Variants in RANBP2 observed in about 807,000 individuals in gnomAD.
RANBP2 encodes the protein RAN binding protein 2.
RANBP2 carries 57 observed loss-of-function variants against 303.6 expected under a neutral mutation model. The ratio of observed to expected loss-of-function variants is 0.19; its 90% confidence interval spans 0.15 to 0.23. The LOEUF (loss-of-function observed/expected upper bound fraction) is 0.23. Among genes scored for constraint, RANBP2 ranks in the 10% least tolerant of loss-of-function variants. RANBP2 has a pLI of 1.00. For synonymous variants in RANBP2, 1,167 were observed against 1,301.5 expected (o/e 0.90, Z 2.23); for missense variants, 3,138 against 3,780.8 (o/e 0.83, Z 4.46).
At chr2:108,938,548 C>G in the RANBP2 span, among the ~76,000 whole-genome samples, 1 of 152,164 alleles carries the variant, frequency 6.6e-6, no homozygotes, top group Non-Finnish European at 1.5e-5. Flanking sequence ...CACTTATCCT[C>G]ATCCCAATGT....
At chr2:109,105,560 T>C in the RANBP2 span, among the ~76,000 whole-genome samples, 2 of 152,208 alleles carry the variant, frequency 1.3e-5, no homozygotes, top group Admixed American at 6.5e-5. Context: ...TTATTTTTTT[T>C]CCTTTTCTTT....
the RANBP2 span, chr2:108,930,131 C>T: frequency 3.1e-6 from 5 of 1,613,772 alleles, no homozygotes; most frequent in Non-Finnish European, 4.2e-6. Context: ...AGGTAGGGCT[C>T]CTCTCCCGGC....
At position 108,783,852 on chromosome 2, in the gene RANBP2, A is replaced by G. The variant is rs773566512; in HGVS notation, c.9626A>G (p.Lys3209Arg). The G allele has an allele frequency of 1.4e-5, 22 of 1,613,386 alleles. No individual in the cohort carries two copies. Among genetic ancestry groups the G allele is most frequent in the Admixed American group, 5.0e-5 (3 of 59,998 alleles). ...AAGATTGAATCATTTGGTTCTCCCA[A>G]AGGGTCTGTTTGTCGAAGAATAACT... Reference protein sequence around the residue: ...VKKIESFGSPKGSVCRRITIT... With the variant: ...VKKIESFGSPRGSVCRRITIT... Residue 3209 changes from lysine to arginine, a missense_variant, in exon 29 of 29, where the codon AAA becomes AGA. Physicochemically the swap from Lys to Arg is conservative, Grantham distance 26. Coordinates refer to ENST00000283195, the MANE Select transcript of RANBP2 (RefSeq NM_006267.5).
chr2:109,353,149 A>G, the RANBP2 span, among the ~76,000 whole-genome samples: 17 of 152,204 alleles, frequency 1.1e-4, no homozygotes, highest in African/African-American at 3.9e-4. Context: ...GGTGCTGCCC[A>G]CAAGGCCCCA....
At chr2:109,394,597 A>G in the RANBP2 span, among the ~76,000 whole-genome samples, 6 of 152,218 alleles carry the variant, frequency 3.9e-5, no homozygotes, top group East Asian at 1.9e-4. Flanking sequence ...GAAGTTGAAA[A>G]TGTGTTCTCT....
the RANBP2 span, chr2:109,501,450 C>G: frequency 2.7e-6 from 2 of 732,368 alleles, no homozygotes; most frequent in Non-Finnish European, 5.1e-6. Context: ...AAAGCACGAC[C>G]CAGCAGATGG....
At chr2:109,612,624 TC>T in the RANBP2 span, among the ~76,000 whole-genome samples, 1 of 152,246 alleles carries the variant, frequency 6.6e-6, no homozygotes, top group Non-Finnish European at 1.5e-5. Flanking sequence ...TGAAGTGTTC[TC>T]TTCTGCTCAA....
At chr2:109,046,907 C>T in the RANBP2 span, among the ~76,000 whole-genome samples, 7 of 152,192 alleles carry the variant, frequency 4.6e-5, no homozygotes, top group East Asian at 1.9e-4. Context: ...CAACCCCTGC[C>T]GGCTGGGGAG....
chr2:108,998,272 G>A, the RANBP2 span, among the ~76,000 whole-genome samples: 6 of 152,072 alleles, frequency 3.9e-5, no homozygotes, highest in East Asian at 1.9e-4. Context: ...CATTCATCTC[G>A]ACCTGCCCCT....
chr2:108,803,606 G>C, the RANBP2 span, among the ~76,000 whole-genome samples: 1 of 152,154 alleles, frequency 6.6e-6, no homozygotes, highest in Non-Finnish European at 1.5e-5. Context: ...TGCCCAGCTA[G>C]TGGAAGTTTT....
the RANBP2 span, chr2:108,815,844 A>T: frequency 2.0e-6 from 2 of 995,892 alleles, no homozygotes; most frequent in Non-Finnish European, 3.0e-6. Flanking sequence ...GAATTACTTT[A>T]GTCAAATTAT....
the RANBP2 span, among the ~76,000 whole-genome samples, chr2:109,262,410 C>A: frequency 0.25 from 38,464 of 152,016 alleles, 5,288 homozygotes; most frequent in East Asian, 0.46. Context: ...TCAAACTCTG[C>A]TTTCGATGCC....
the RANBP2 span, among the ~76,000 whole-genome samples, chr2:109,248,656 C>A: frequency 6.6e-6 from 1 of 152,172 alleles, no homozygotes; most frequent in South Asian, 2.1e-4. Context: ...ATAATTAGTA[C>A]ACTTGGTGAG....
At chr2:109,544,349 T>A in the RANBP2 span, 1 of 1,564,888 alleles carries the variant, frequency 6.4e-7, no homozygotes, top group Non-Finnish European at 8.6e-7. Flanking sequence ...AACCTTTTGA[T>A]TGGTACAATT....
the RANBP2 span, among the ~76,000 whole-genome samples, chr2:109,121,289 CAA>C: frequency 2.8e-4 from 34 of 120,344 alleles, no homozygotes; most frequent in Non-Finnish European, 5.4e-4. Flanking sequence ...CAAAACAAAA[CAA>C]AACAAGAAGT....
chr2:109,120,464 G>A, the RANBP2 span, among the ~76,000 whole-genome samples: 1 of 152,136 alleles, frequency 6.6e-6, no homozygotes, highest in African/African-American at 2.4e-5. Context: ...CCTCAGCCAA[G>A]TGCTCAGCCA....
rs1694081680 is a variant in RANBP2, at chr2:108,719,893, T to C, written c.72+215T>C. 2.0e-5 allele frequency among the ~76,000 whole-genome samples: 3 copies of C among 151,834 alleles called. No individual in the cohort carries two copies. The South Asian group carries it at 6.3e-4, about 32-fold the overall frequency. ...GCGGGAGACCTTTGGCGCCGGCGCT[T>C]CCTCTTTCTCCCGGCTTGTTCCCGA... On this transcript the variant is annotated intron_variant, in intron 1 of 28. Transcript: ENST00000283195.
chr2:108,969,856 G>C, the RANBP2 span, among the ~76,000 whole-genome samples: 11 of 152,152 alleles, frequency 7.2e-5, no homozygotes, highest in Admixed American at 4.6e-4. Flanking sequence ...ACTTGTGCAG[G>C]GATCCAAAAA....
At chr2:108,733,453 G>A (rs529610241) in intron 4 of RANBP2, among the ~76,000 whole-genome samples, 1 of 151,960 alleles carries the variant, frequency 6.6e-6, no homozygotes, top group South Asian at 2.1e-4. Context: ...ACTTTTGAGG[G>A]ACATTTTGGT....
Sources: allele counts gnomAD v4.1 joint callset (sites outside exome capture counted in the v4.1 genomes callset), GRCh38; gene constraint gnomAD v4.1.1; transcripts MANE v1.5; gene names NCBI Gene and HGNC (gene_info 2026-07-23, HGNC 2026-07-21).